TLK2: variants seen among roughly 807,000 people sequenced by gnomAD.
TLK2 encodes the protein serine/threonine-protein kinase tousled-like 2.
In TLK2, 6 loss-of-function variants were observed where a neutral mutation model predicts 117.3. The observed-to-expected ratio is 0.05, with a 90% CI of 0.03 to 0.10. The LOEUF is 0.10. TLK2 is among the 10% of genes least tolerant of loss of function. The probability of loss-of-function intolerance (pLI) is 1.00; values close to 1 mark genes in which losing one functional copy is unlikely to be tolerated. For missense variants in TLK2, 299 were observed against 901.2 expected (o/e 0.33, Z 8.56); for synonymous variants, 257 against 316.7 (o/e 0.81, Z 2.00).
chr17:62,608,140 G>A lies in TLK2; in HGVS notation c.2071G>A (p.Glu691Lys). ...QFPPKPVVTP[E>K]AKAFIRRCLA... is the part of the protein sequence containing the mutation. ...CCCGCCAAAGCCAGTAGTAACACCT[G>A]AAGCAAAGGTAAGTTTTGTTTGACC... The change falls in exon 21 of 22, where the codon GAA becomes AAA. Residue 691 changes from glutamate (E) to lysine (K), a missense_variant. Glu to Lys is a moderately conservative substitution (Grantham distance 56, BLOSUM62 1). Around this residue, in one of 4 missense-constraint regions of TLK2, gnomAD observed 81 missense variants for 370.9 expected, o/e 0.22. Transcript: ENST00000346027. 1 of 1,612,110 alleles carries A rather than the reference G, an allele frequency of 6.2e-7. No homozygotes were observed. Among genetic ancestry groups the A allele is most frequent in the Non-Finnish European group, 8.5e-7 (1 of 1,179,532 alleles).
intron 2 of TLK2, among the ~76,000 whole-genome samples, chr17:62,507,759 A>G (rs192983415): frequency 6.6e-6 from 1 of 152,250 alleles, no homozygotes; most frequent in Admixed American, 6.5e-5. Context: ...TCGTGGTGCT[A>G]AAGGGCTGGT....
At chr17:62,609,076 T>C (rs950194245) in intron 21 of TLK2, among the ~76,000 whole-genome samples, 9 of 152,158 alleles carry the variant, frequency 5.9e-5, no homozygotes, top group Admixed American at 2.0e-4. Flanking sequence ...TGAGCAGTTA[T>C]AAGTCTTTTG....
At chr17:62,533,837 G>A (rs571578201) in intron 6 of TLK2, among the ~76,000 whole-genome samples, 11 of 152,184 alleles carry the variant, frequency 7.2e-5, no homozygotes, top group African/African-American at 1.9e-4. Flanking sequence ...AATTCTAAAA[G>A]CATTTGTTTA....
At chr17:62,530,970 C>T (rs1477833808) in intron 6 of TLK2, among the ~76,000 whole-genome samples, 4 of 152,098 alleles carry the variant, frequency 2.6e-5, no homozygotes, top group Non-Finnish European at 5.9e-5. Flanking sequence ...AAGAAATCAG[C>T]TGTCATTTGC....
chr17:62,483,376 C>T (rs1257518574), intron 2 of TLK2, among the ~76,000 whole-genome samples: 5 of 152,134 alleles, frequency 3.3e-5, no homozygotes, highest in African/African-American at 7.2e-5. Flanking sequence ...GCTGTCTAGA[C>T]CCAACTTAAA....
intron 7 of TLK2, among the ~76,000 whole-genome samples, chr17:62,546,578 C>G (rs936426461): frequency 3.7e-5 from 5 of 135,672 alleles, no homozygotes; most frequent in Non-Finnish European, 7.8e-5. Flanking sequence ...TTTTTTGAGA[C>G]TGAGTCTCAC....
intron 2 of TLK2, among the ~76,000 whole-genome samples, chr17:62,493,504 C>T (rs1226953240): frequency 6.6e-6 from 1 of 152,168 alleles, no homozygotes; most frequent in Non-Finnish European, 1.5e-5. Context: ...TGGCTGCAGA[C>T]CCAGAAGTTG....
At chr17:62,565,648 T>G (rs2079713845) in intron 11 of TLK2, among the ~76,000 whole-genome samples, 1 of 70,256 alleles carries the variant, frequency 1.4e-5, no homozygotes, top group Non-Finnish European at 2.6e-5. Flanking sequence ...CAAGACTCCA[T>G]CTCAAAAAAA....
intron 13 of TLK2, 91 bp downstream of exon 13, chr17:62,576,866 A>G: frequency 1.0e-6 from 1 of 956,292 alleles, no homozygotes; most frequent in African/African-American, 1.6e-5. Flanking sequence ...TGAATGTAAT[A>G]GTAGCTGCAC....
At chr17:62,537,113 A>G (rs1367417645) in intron 7 of TLK2, among the ~76,000 whole-genome samples, 1 of 152,134 alleles carries the variant, frequency 6.6e-6, no homozygotes, top group Non-Finnish European at 1.5e-5. Flanking sequence ...CCACTCATCC[A>G]GATTTTGTCC....
At chr17:62,564,859 A>T in intron 10 of TLK2, 142 bp from the exon 11 acceptor site, 1 of 1,012,774 alleles carries the variant, frequency 9.9e-7, no homozygotes, top group East Asian at 2.7e-5. Flanking sequence ...TAGTCATCCG[A>T]GGAGTCATTA....
upstream of TLK2, chr17:62,477,605 T>G (rs1419024558): frequency 6.6e-6 from 1 of 152,208 alleles, no homozygotes; most frequent in African/African-American, 2.4e-5. Flanking sequence ...AGGCTGTTGT[T>G]CAAGGTCTGA....
intron 17 of TLK2, 93 bp from the exon 18 acceptor site, chr17:62,600,558 T>C: frequency 1.9e-6 from 2 of 1,042,332 alleles, no homozygotes; most frequent in Non-Finnish European, 2.7e-6. Flanking sequence ...AGTGAGAAGC[T>C]GATGACCTGA....
chr17:62,607,276 T>C (rs2083378119), intron 20 of TLK2, among the ~76,000 whole-genome samples: 1 of 151,494 alleles, frequency 6.6e-6, no homozygotes, highest in South Asian at 2.1e-4. Flanking sequence ...TCCCAGCACT[T>C]TGGGAGGCCG....
intron 2 of TLK2, among the ~76,000 whole-genome samples, chr17:62,487,386 G>T (rs1307775774): frequency 6.6e-6 from 1 of 151,556 alleles, no homozygotes; most frequent in Non-Finnish European, 1.5e-5. Flanking sequence ...AGATAAGTCA[G>T]CACGCGCCTG....
At chr17:62,531,729 G>C (rs1208524410) in intron 6 of TLK2, among the ~76,000 whole-genome samples, 2 of 152,076 alleles carry the variant, frequency 1.3e-5, no homozygotes, top group Non-Finnish European at 2.9e-5. Flanking sequence ...TACCACTTTA[G>C]TGAATTTATG....
chr17:62,474,479 G>A (rs1482544075), upstream of TLK2, among the ~76,000 whole-genome samples: 4 of 151,386 alleles, frequency 2.6e-5, no homozygotes, highest in South Asian at 4.2e-4. Context: ...GTGCGGTCTC[G>A]GCTTACTGCA....
chr17:62,558,163 T>C (rs1218354684), intron 9 of TLK2, among the ~76,000 whole-genome samples: 1 of 152,140 alleles, frequency 6.6e-6, no homozygotes, highest in Non-Finnish European at 1.5e-5. Flanking sequence ...CTTTTTTTTT[T>C]TCTTTTTTTT....
At chr17:62,579,304 C>A (rs1474683202) in intron 14 of TLK2, among the ~76,000 whole-genome samples, 1 of 152,066 alleles carries the variant, frequency 6.6e-6, no homozygotes, top group African/African-American at 2.4e-5. Flanking sequence ...GCAGGATAAC[C>A]CAGTCATCTT....
Sources: gnomAD v4.1 joint callset for allele counts (sites outside exome capture counted in the v4.1 genomes callset) on GRCh38, gnomAD v4.1.1 for gene constraint, gnomAD v4.1.1 regional missense constraint, MANE v1.5 for transcripts, NCBI Gene and HGNC (gene_info 2026-07-23, HGNC 2026-07-21) for gene names.